Variants in UBQLN1 observed in about 807,000 individuals in gnomAD.
The protein encoded by UBQLN1 is ubiquilin 1, also known as ubiquilin-1.
A neutral mutation model predicts 65.4 loss-of-function variants in UBQLN1; 13 were observed. That is an observed-to-expected ratio of 0.20 (90% CI 0.13 to 0.32). UBQLN1 has a LOEUF of 0.32. UBQLN1 is among the 10% of genes least tolerant of loss of function. The pLI is 1.00. For missense variants in UBQLN1, 561 were observed against 724.0 expected (o/e 0.77, Z 2.58); for synonymous variants, 267 against 247.8 (o/e 1.08, Z -0.73).
intron 1 of UBQLN1, among the ~76,000 whole-genome samples, chr9:83,699,525 G>GA (rs1468210413): frequency 6.6e-6 from 1 of 152,028 alleles, no homozygotes; most frequent in Non-Finnish European, 1.5e-5. Context: ...GGCTGGTCTC[G>GA]AACTCCAGGA....
intron 7 of UBQLN1, chr9:83,667,400 C>T (rs763484239): frequency 1.7e-5 from 11 of 650,298 alleles, no homozygotes; most frequent in Non-Finnish European, 2.1e-5. Context: ...AGAAGTTAAC[C>T]GTATTTAAGA....
rs12404 is a variant in UBQLN1, at chr9:83,661,494, C to G, written c.*293G>C. On this transcript the variant is annotated 3_prime_UTR_variant, in exon 11 of 11. Coordinates refer to ENST00000376395, the MANE Select transcript of UBQLN1 (RefSeq NM_013438.5). ...GGCTAATGTTTAAAAAGCAAATAAACTGGACAGATGCAGGACAAAATCTGG... is the reference window on the plus strand; with the variant it reads ...GGCTAATGTTTAAAAAGCAAATAAAGTGGACAGATGCAGGACAAAATCTGG... 807 of 250,148 alleles carry G rather than the reference C, an allele frequency of 3.2e-3. 8 individuals carry two copies. Among genetic ancestry groups the G allele is most frequent in the African/African-American group, 0.017 (764 of 44,868 alleles). The allele number at this position is 250,148 out of a possible 1,614,324, so 15.5% of individuals were successfully genotyped here.
chr9:83,668,691 C>A, intron 7 of UBQLN1: 18 of 939,930 alleles, frequency 1.9e-5, no homozygotes, highest in Non-Finnish European at 2.3e-5. Flanking sequence ...CGATTTTCAG[C>A]AGGGGAATCA....
chr9:83,689,844 T>C (rs1832097137), intron 1 of UBQLN1, among the ~76,000 whole-genome samples: 1 of 152,000 alleles, frequency 6.6e-6, no homozygotes, highest in African/African-American at 2.4e-5. Flanking sequence ...CACAACCCAA[T>C]TGAAAAATGG....
At chr9:83,705,246 C>CTTTTTT (rs57550660) in intron 1 of UBQLN1, among the ~76,000 whole-genome samples, 6 of 129,454 alleles carry the variant, frequency 4.6e-5, no homozygotes, top group Non-Finnish European at 7.9e-5. Flanking sequence ...GCCAGCACTC[C>CTTTTTT]TTTTTTTTTT....
At chr9:83,666,806 C>T (rs1181799046) in intron 7 of UBQLN1, 11 of 179,834 alleles carry the variant, frequency 6.1e-5, no homozygotes, top group Non-Finnish European at 1.2e-4. Context: ...GCAGAATAAA[C>T]ATAAACATCA....
intron 1 of UBQLN1, among the ~76,000 whole-genome samples, chr9:83,688,214 C>A (rs78676059): frequency 6.6e-6 from 1 of 152,098 alleles, no homozygotes; most frequent in African/African-American, 2.4e-5. Context: ...ACTACTATGC[C>A]AGTTCTCTTA....
chr9:83,673,560 A>AAC (rs1831774107), intron 6 of UBQLN1, among the ~76,000 whole-genome samples: 1 of 86,258 alleles, frequency 1.2e-5, no homozygotes, highest in African/African-American at 6.0e-5. Flanking sequence ...AAAAAAAAAA[A>AAC]AAAAAAACAA....
rs1832035722 is a variant in UBQLN1 at position 83,686,098 on chromosome 9, A to G, written c.238T>C (p.Phe80Leu). Residue 80 changes from phenylalanine to leucine, a missense_variant, in exon 2 of 11, where the codon TTT (phenylalanine) becomes CTT (leucine). Physicochemically the swap from Phe to Leu is conservative, Grantham distance 22. Coordinates refer to ENST00000376395, the MANE Select transcript of UBQLN1 (RefSeq NM_013438.5). ...TGATCTTTCAAAATTTTTCCAGCAA[A>G]TATCAACACAAGTTGGTCAGTATGT... ...KSHTDQLVLI[F>L]AGKILKDQDT... 1 of 1,597,736 alleles carries G rather than the reference A, an allele frequency of 6.3e-7. No individual in the cohort carries two copies. The highest frequency in any genetic ancestry group is 1.4e-5 in the African/African-American group (1 of 73,714).
chr9:83,677,455 G>T (rs531638114), intron 6 of UBQLN1, among the ~76,000 whole-genome samples: 1 of 152,102 alleles, frequency 6.6e-6, no homozygotes, highest in Admixed American at 6.6e-5. Context: ...CCAGCTACTC[G>T]GGAGGCTGAG....
At chr9:83,706,271 C>A (rs561114185) in intron 1 of UBQLN1, among the ~76,000 whole-genome samples, 11 of 152,198 alleles carry the variant, frequency 7.2e-5, no homozygotes, top group South Asian at 2.1e-4. Context: ...ATTATAATAC[C>A]GTAAAATGCT....
chr9:83,663,560 A>C (rs1447025454), intron 10 of UBQLN1, among the ~76,000 whole-genome samples: 1 of 152,178 alleles, frequency 6.6e-6, no homozygotes, highest in Non-Finnish European at 1.5e-5. Context: ...TTTTAAAGCA[A>C]AATCTATTTC....
intron 9 of UBQLN1, 98 bp downstream of exon 9, chr9:83,664,932 A>AT: frequency 4.0e-6 from 3 of 752,556 alleles, no homozygotes; most frequent in Non-Finnish European, 5.6e-6. Flanking sequence ...CCAAAAAAAA[A>AT]AAAAAAAAAA....
chr9:83,681,245 G>A (rs1831935140), intron 3 of UBQLN1, among the ~76,000 whole-genome samples: 1 of 152,228 alleles, frequency 6.6e-6, no homozygotes, highest in Non-Finnish European at 1.5e-5. Context: ...GGATGACCAA[G>A]TGCTTACCAC....
At chr9:83,680,212 A>C (rs1831917918) in intron 3 of UBQLN1, among the ~76,000 whole-genome samples, 175 bp from the exon 4 acceptor site, 1 of 152,250 alleles carries the variant, frequency 6.6e-6, no homozygotes, top group South Asian at 2.1e-4. Context: ...CATTGAAATT[A>C]GCCAAAAATT....
At chr9:83,697,686 G>A (rs1044651224) in intron 1 of UBQLN1, among the ~76,000 whole-genome samples, 1 of 150,582 alleles carries the variant, frequency 6.6e-6, no homozygotes, top group African/African-American at 2.4e-5. Context: ...TTCCCAAGTA[G>A]CTGGGACTAC....
chr9:83,692,135 G>T (rs1485712660), intron 1 of UBQLN1, among the ~76,000 whole-genome samples: 1 of 152,146 alleles, frequency 6.6e-6, no homozygotes, highest in Non-Finnish European at 1.5e-5. Flanking sequence ...AAAGGTAAAA[G>T]AATCTTAAGT....
rs1359312894 is a variant in UBQLN1, at chr9:83,661,111, A to G, written c.*676T>C. On this transcript the variant is annotated 3_prime_UTR_variant, in exon 11 of 11. Coordinates refer to ENST00000376395, the MANE Select transcript of UBQLN1 (RefSeq NM_013438.5). Reference sequence around the variant, plus strand: ...TAACCAGAATCAGCTTTTCTACTGTATTTTCAACAAACCTGACTAACCGGC... The same window carrying G: ...TAACCAGAATCAGCTTTTCTACTGTGTTTTCAACAAACCTGACTAACCGGC... 1 of 152,160 alleles carries G rather than the reference A, an allele frequency of 6.6e-6. No homozygotes were observed. The highest frequency in any genetic ancestry group is 1.5e-5 in the Non-Finnish European group (1 of 68,014). 9.4% of individuals were successfully genotyped at this position (152,160 alleles called of 1,614,324 possible). A position where few individuals can be genotyped will look rare whatever the true frequency, so the allele number is the denominator to read the frequency against.
chr9:83,707,923 A>G lies in UBQLN1; in HGVS notation c.-244T>C. On this transcript the variant is annotated 5_prime_UTR_variant, in exon 1 of 11. Coordinates refer to ENST00000376395, the MANE Select transcript of UBQLN1 (RefSeq NM_013438.5). ...GTGTGTTCAGGCGCCGCTCGCTCAC[A>G]CCGACATCCGCAGCAGCCACCGCTT... The G allele has an allele frequency of 1.9e-6, 1 of 518,378 alleles. No individual in the cohort carries two copies. Among genetic ancestry groups the G allele is most frequent in the Non-Finnish European group, 3.3e-6 (1 of 304,328 alleles). 32.1% of individuals were successfully genotyped at this position (518,378 alleles called of 1,614,324 possible).
Sources: gnomAD v4.1 joint callset for allele counts (sites outside exome capture counted in the v4.1 genomes callset) on GRCh38, gnomAD v4.1.1 for gene constraint, MANE v1.5 for transcripts, NCBI Gene and HGNC (gene_info 2026-07-23, HGNC 2026-07-21) for gene names.